SIGLEC6: variants seen among roughly 807,000 people sequenced by gnomAD.
The protein encoded by SIGLEC6 is sialic acid binding Ig like lectin 6, also known as sialic acid-binding Ig-like lectin 6.
Under a neutral mutation model 41.4 loss-of-function variants are expected in SIGLEC6, and 31 were observed. That is an observed-to-expected ratio of 0.75 (90% confidence interval 0.56 to 1.01). The LOEUF (loss-of-function observed/expected upper bound fraction) is 1.01. SIGLEC6 is among the 50% of genes least tolerant of loss of function. The probability of loss-of-function intolerance (pLI) is 0.00; values close to 1 mark genes in which losing one functional copy is unlikely to be tolerated. For missense variants in SIGLEC6, 555 were observed against 558.6 expected (o/e 0.99, Z 0.06); for synonymous variants, 217 against 231.0 (o/e 0.94, Z 0.55).
intron 7 of SIGLEC6, 27 bp from the exon 8 acceptor site, chr19:51,520,282 G>T: frequency 6.6e-7 from 1 of 1,512,688 alleles, no homozygotes; most frequent in South Asian, 1.3e-5. Flanking sequence ...AAAAGATTCA[G>T]GGCTGGACAA....
chr19:51,526,271 A>G (rs1376887073), intron 7 of SIGLEC6, among the ~76,000 whole-genome samples: 1 of 152,066 alleles, frequency 6.6e-6, no homozygotes, highest in African/African-American at 2.4e-5. Flanking sequence ...TGTAGCCAGC[A>G]CTTGAGTGAG....
chr19:51,521,190 A>G (rs1990908920), intron 7 of SIGLEC6, among the ~76,000 whole-genome samples: 1 of 152,220 alleles, frequency 6.6e-6, no homozygotes, highest in South Asian at 2.1e-4. Flanking sequence ...TGAAAACTTG[A>G]AAGTAAAGCA....
At chr19:51,523,391 G>T (rs1978629300) in intron 7 of SIGLEC6, among the ~76,000 whole-genome samples, 1 of 152,152 alleles carries the variant, frequency 6.6e-6, no homozygotes, top group African/African-American at 2.4e-5. Flanking sequence ...GAAAGGGGAA[G>T]GGAGTTAAAG....
chr19:51,524,164 G>C (rs892261804), intron 7 of SIGLEC6, among the ~76,000 whole-genome samples: 1 of 152,120 alleles, frequency 6.6e-6, no homozygotes, highest in Admixed American at 6.5e-5. Context: ...AAATATAAAT[G>C]GTCTAAACAC....
chr19:51,529,265 C>T (rs1979773783), intron 5 of SIGLEC6: 1 of 174,026 alleles, frequency 5.7e-6, no homozygotes, highest in African/African-American at 2.4e-5. Context: ...TTGTTTAAGT[C>T]GTGCACTTTG....
At chr19:51,531,013 G>T in intron 2 of SIGLEC6, 54 bp from the exon 3 acceptor site, 1 of 1,588,826 alleles carries the variant, frequency 6.3e-7, no homozygotes, top group Non-Finnish European at 8.5e-7. Context: ...GTTTCACCCA[G>T]GGGGAAGCCC....
At chr19:51,523,833 A>G (rs548648228) in intron 7 of SIGLEC6, among the ~76,000 whole-genome samples, 1 of 152,332 alleles carries the variant, frequency 6.6e-6, no homozygotes, top group Admixed American at 6.5e-5. Context: ...ATCCTGGCTA[A>G]CACGGTGAAA....
intron 7 of SIGLEC6, among the ~76,000 whole-genome samples, chr19:51,522,744 A>G (rs1247162336): frequency 6.6e-6 from 1 of 152,186 alleles, no homozygotes; most frequent in Non-Finnish European, 1.5e-5. Context: ...TGAACTGAGA[A>G]CATGCCATTG....
chr19:51,529,985 TG>T lies in SIGLEC6; in HGVS notation c.755-5del. 6.3e-7 allele frequency: 1 copy of T among 1,581,946 alleles called. No homozygotes were observed. The highest frequency in any genetic ancestry group is 8.6e-7 in the Non-Finnish European group (1 of 1,163,594). The stretch of plus-strand genomic sequence containing the variant: ...GTGTTTTGCAGGATTTTGAAGGCTT[TG>T]GGGAGAGAGGTGTAGAGAGTTAGAG... On this transcript the variant is annotated splice_polypyrimidine_tract_variant and splice_region_variant and intron_variant, in intron 4 of 7. Transcript: ENST00000425629.
rs538432695 is a variant in SIGLEC6, at chr19:51,518,680, C to G, written c.*1402G>C. On this transcript the variant is annotated 3_prime_UTR_variant, in exon 8 of 8. Coordinates refer to ENST00000425629, the MANE Select transcript of SIGLEC6 (RefSeq NM_001245.7). ...TCTATCTTTTTATTTTTCATGGCTA[C>G]TCTTAAGAATTTTCCTTAATAGTTG... 4.6e-5 allele frequency among the ~76,000 whole-genome samples: 7 copies of G among 152,142 alleles called. No homozygotes were observed. The East Asian group carries it at 1.4e-3, about 29-fold the overall frequency.
rs553337416 is a variant in SIGLEC6, at chr19:51,528,067, C to G, written c.1106+93G>C. On this transcript the variant is annotated intron_variant, in intron 6 of 7. Coordinates refer to ENST00000425629, the MANE Select transcript of SIGLEC6 (RefSeq NM_001245.7). ...CTCACTCTCGACTTTCCCAATCACCCCATTTTCCTCCACTCAGGTTTTCTG... is the reference window on the plus strand; with the variant it reads ...CTCACTCTCGACTTTCCCAATCACCGCATTTTCCTCCACTCAGGTTTTCTG... The G allele has an allele frequency of 2.3e-4, 266 of 1,178,768 alleles. 1 individual carries two copies. The African/African-American group carries it at 2.6e-3, about 12-fold the overall frequency. The allele number at this position is 1,178,768 out of a possible 1,614,324, so 73.0% of individuals were successfully genotyped here.
intron 4 of SIGLEC6, among the ~76,000 whole-genome samples, 175 bp downstream of exon 4, chr19:51,530,262 C>T (rs974770401): frequency 1.3e-5 from 2 of 152,132 alleles, no homozygotes; most frequent in Non-Finnish European, 2.9e-5. Flanking sequence ...AGAGGGAGTG[C>T]GAGGGGTGTG....
At chr19:51,522,474 G>T (rs565603870) in intron 7 of SIGLEC6, among the ~76,000 whole-genome samples, 1 of 152,122 alleles carries the variant, frequency 6.6e-6, no homozygotes, top group Non-Finnish European at 1.5e-5. Context: ...GATTAAAAAC[G>T]GCTATAAATA....
chr19:51,531,561 C>T, intron 1 of SIGLEC6, 21 bp downstream of exon 1: 1 of 1,613,984 alleles, frequency 6.2e-7, no homozygotes, highest in Non-Finnish European at 8.5e-7. Context: ...CCCCACGGCA[C>T]CTCTCCCCTG....
At chr19:51,528,561 C>A in intron 5 of SIGLEC6, 1 of 413,562 alleles carries the variant, frequency 2.4e-6, no homozygotes, top group South Asian at 2.7e-5. Context: ...ATTTTGAAGT[C>A]CTAACCCCCA....
chr19:51,530,395 T>C (rs1980059303), intron 4 of SIGLEC6, 42 bp downstream of exon 4: 1 of 1,575,654 alleles, frequency 6.3e-7, no homozygotes, highest in East Asian at 2.2e-5. Context: ...CCCACTCTGC[T>C]TCCATCTGGC....
Position 51,530,857 on chromosome 19 carries a change from G to A in SIGLEC6, c.530C>T (p.Pro177Leu). The change falls in exon 3 of 8, where the codon CCC becomes CTC. Residue 177 changes from proline to leucine, a missense_variant. Transcript: ENST00000425629. ...SVPWVCEQGT[P>L]PIFSWMSAAP... Reference sequence around the variant, plus strand: ...AGCTGACATCCAGGAGAAGATGGGGGGCGTCCCCTGCTCACAGACCCAGGG... The same window carrying A: ...AGCTGACATCCAGGAGAAGATGGGGAGCGTCCCCTGCTCACAGACCCAGGG... 1 of 1,613,948 alleles carries A rather than the reference G, an allele frequency of 6.2e-7. No individual in the cohort carries two copies. Among genetic ancestry groups the A allele is most frequent in the Non-Finnish European group, 8.5e-7 (1 of 1,179,998 alleles).
At chr19:51,521,998 T>C (rs2122307506) in intron 7 of SIGLEC6, among the ~76,000 whole-genome samples, 1 of 152,222 alleles carries the variant, frequency 6.6e-6, no homozygotes, top group African/African-American at 2.4e-5. Flanking sequence ...GCAACTGCAG[T>C]TCAAGTGGGA....
rs201650877 is a variant in SIGLEC6 at position 51,531,183 on chromosome 19, G to A, written c.404C>T (p.Ser135Phe). ...SKWMKYGYTS[S>F]KLSVRVMALT... ...ACCCATCACACGCACAGAGAGCTTG[G>A]AAGATGTATAACCGTATTTCATCCA... Residue 135 changes from serine to phenylalanine, a missense_variant, in exon 2 of 8, where the codon TCC becomes TTC. Transcript: ENST00000425629. 1,574 of 1,596,410 alleles carry A rather than the reference G, an allele frequency of 9.9e-4. 1 individual carries two copies. Among genetic ancestry groups the A allele is most frequent in the Non-Finnish European group, 1.3e-3 (1,510 of 1,169,950 alleles).
Sources: allele counts gnomAD v4.1 joint callset (sites outside exome capture counted in the v4.1 genomes callset), GRCh38; gene constraint gnomAD v4.1.1; transcripts MANE v1.5; gene names NCBI Gene and HGNC (gene_info 2026-07-23, HGNC 2026-07-21).